The following PTPRD variants were observed in gnomAD, a reference collection of about 807,000 sequenced individuals.
The protein encoded by PTPRD is protein tyrosine phosphatase receptor type D.
A neutral mutation model predicts 214.5 loss-of-function variants in PTPRD; 34 were observed. The ratio of observed to expected loss-of-function variants is 0.16; its 90% CI spans 0.12 to 0.21. PTPRD has a LOEUF of 0.21. Ranked by LOEUF, PTPRD falls within the 10% of genes least tolerant of loss-of-function variation. The pLI is 1.00. For missense variants in PTPRD, 2,545 were observed against 2,398.7 expected (o/e 1.06, Z -1.27); for synonymous variants, 1,128 against 845.7 (o/e 1.33, Z -5.79).
intron 2 of PTPRD, among the ~76,000 whole-genome samples, chr9:10,601,764 TAACA>T (rs1358060678): frequency 2.0e-5 from 3 of 151,908 alleles, no homozygotes; most frequent in South Asian, 2.1e-4. Flanking sequence ...CTCTAGCTCA[TAACA>T]AACAGTTTAA....
chr9:9,161,812 C>A (rs2099889722), intron 10 of PTPRD, among the ~76,000 whole-genome samples: 2 of 151,902 alleles, frequency 1.3e-5, no homozygotes, highest in African/African-American at 4.8e-5. Context: ...AACTATGTAA[C>A]ACATCATATA....
intron 3 of PTPRD, among the ~76,000 whole-genome samples, chr9:10,130,522 T>C (rs1299499281): frequency 6.6e-6 from 1 of 152,132 alleles, no homozygotes; most frequent in Non-Finnish European, 1.5e-5. Flanking sequence ...GTCTACCTCA[T>C]CTTACCAAAT....
chr9:8,437,178 C>A (rs1339624741), intron 34 of PTPRD: 2 of 1,505,968 alleles, frequency 1.3e-6, no homozygotes, highest in East Asian at 4.9e-5. Context: ...ATGACTTATG[C>A]ATAATCAAGG....
At chr9:9,912,391 G>A (rs1273317592) in intron 5 of PTPRD, among the ~76,000 whole-genome samples, 1 of 152,114 alleles carries the variant, frequency 6.6e-6, no homozygotes, top group Non-Finnish European at 1.5e-5. Flanking sequence ...CTTGTCAAAT[G>A]CCAACTTTGA....
At chr9:8,504,218 G>C in intron 23 of PTPRD, 43 bp downstream of exon 23, 1 of 1,607,230 alleles carries the variant, frequency 6.2e-7, no homozygotes, top group South Asian at 1.1e-5. Context: ...ACATCTCCCC[G>C]AGGAAATAAA....
chr9:9,562,974 C>A (rs912520961), intron 8 of PTPRD, among the ~76,000 whole-genome samples: 1 of 152,164 alleles, frequency 6.6e-6, no homozygotes, highest in Admixed American at 6.5e-5. Flanking sequence ...GTCTAGAACA[C>A]AGTAGCTGCT....
At chr9:9,377,852 T>G (rs906757067) in intron 9 of PTPRD, among the ~76,000 whole-genome samples, 7 of 150,816 alleles carry the variant, frequency 4.6e-5, no homozygotes, top group Non-Finnish European at 8.9e-5. Context: ...AAAATAATAT[T>G]TTAACTCTCA....
intron 39 of PTPRD, among the ~76,000 whole-genome samples, chr9:8,344,034 T>G (rs75598069): frequency 6.6e-6 from 1 of 151,996 alleles, no homozygotes; most frequent in Non-Finnish European, 1.5e-5. Context: ...TCTCCTGATA[T>G]GCCATCAGAT....
At chr9:8,981,764 A>G (rs1333720636) in intron 11 of PTPRD, among the ~76,000 whole-genome samples, 2 of 152,118 alleles carry the variant, frequency 1.3e-5, no homozygotes, top group Admixed American at 6.6e-5. Context: ...TATACATAAT[A>G]TAATTGCAAA....
intron 4 of PTPRD, among the ~76,000 whole-genome samples, chr9:10,001,643 T>C (rs190211785): frequency 3.3e-5 from 5 of 152,234 alleles, no homozygotes; most frequent in Admixed American, 6.5e-5. Flanking sequence ...AAGAATTCTC[T>C]ACCTAACAAA....
At chr9:9,630,617 C>T (rs1330960479) in intron 7 of PTPRD, among the ~76,000 whole-genome samples, 1 of 152,054 alleles carries the variant, frequency 6.6e-6, no homozygotes, top group Non-Finnish European at 1.5e-5. Context: ...TTTAAAAGAG[C>T]TGATGAAAAA....
At chr9:9,713,235 T>C (rs1308331217) in intron 7 of PTPRD, among the ~76,000 whole-genome samples, 5 of 152,172 alleles carry the variant, frequency 3.3e-5, no homozygotes, top group Non-Finnish European at 5.9e-5. Flanking sequence ...TGCCTAAGAA[T>C]AAGCTTAAAG....
At chr9:9,652,653 T>G (rs906595995) in intron 7 of PTPRD, among the ~76,000 whole-genome samples, 1 of 151,950 alleles carries the variant, frequency 6.6e-6, no homozygotes, top group South Asian at 2.1e-4. Flanking sequence ...TCACTCTTTT[T>G]GCCCAGGCTG....
chr9:10,062,968 C>T lies in PTPRD; in HGVS notation c.-544-29178G>A, dbSNP rs151256952. ...TCTTATTTTGTAGGTACCATGAGAA[C>T]ATTTTATTGCCCTAAGAATTAATAT... On this transcript the variant is annotated intron_variant, in intron 3 of 45. Coordinates refer to ENST00000381196, the MANE Select transcript of PTPRD (RefSeq NM_002839.4). Among the ~76,000 whole-genome samples, 9 of 152,086 alleles carry T rather than the reference C, an allele frequency of 5.9e-5. No individual in the cohort carries two copies. In the East Asian group the frequency reaches 1.2e-3, roughly 20 times the overall value.
At chr9:10,252,660 G>A (rs1322149) in intron 3 of PTPRD, among the ~76,000 whole-genome samples, 134,536 of 152,200 alleles carry the variant, frequency 0.88, 59,499 homozygotes, top group East Asian at 0.98. Flanking sequence ...GTTACATAGC[G>A]ATAGATAAAT....
chr9:9,890,329 TG>T (rs2072811267), intron 5 of PTPRD, among the ~76,000 whole-genome samples: 1 of 151,796 alleles, frequency 6.6e-6, no homozygotes, highest in Non-Finnish European at 1.5e-5. Flanking sequence ...CCCCAATACC[TG>T]TAACTACAAG....
intron 4 of PTPRD, among the ~76,000 whole-genome samples, chr9:9,970,287 A>C (rs535970556): frequency 6.6e-6 from 1 of 151,892 alleles, no homozygotes; most frequent in African/African-American, 2.4e-5. Context: ...CATCTCTACT[A>C]AAAGTACAAA....
intron 2 of PTPRD, among the ~76,000 whole-genome samples, chr9:10,498,351 A>G (rs895995019): frequency 2.0e-5 from 3 of 152,152 alleles, no homozygotes; most frequent in East Asian, 1.9e-4. Flanking sequence ...TATAATTGAT[A>G]AGCAATATGA....
chr9:9,493,403 T>C (rs538843323), intron 8 of PTPRD, among the ~76,000 whole-genome samples: 35 of 152,330 alleles, frequency 2.3e-4, no homozygotes, highest in African/African-American at 4.8e-5. Context: ...TACAAATATA[T>C]GAATGTTGTT....
Sources: gnomAD v4.1 joint callset for allele counts (sites outside exome capture counted in the v4.1 genomes callset) on GRCh38, gnomAD v4.1.1 for gene constraint, MANE v1.5 for transcripts, NCBI Gene and HGNC (gene_info 2026-07-23, HGNC 2026-07-21) for gene names.